The following P4HA1 variants were observed in gnomAD, a reference collection of about 807,000 sequenced individuals.
P4HA1 encodes the protein prolyl 4-hydroxylase subunit alpha-1.
In P4HA1, 24 loss-of-function variants were observed where a neutral mutation model predicts 72.8. The ratio of observed to expected loss-of-function variants is 0.33; its 90% CI spans 0.24 to 0.46. The LOEUF (loss-of-function observed/expected upper bound fraction) is 0.46. Among genes scored for constraint, P4HA1 ranks in the 20% least tolerant of loss-of-function variants. The probability of loss-of-function intolerance (pLI) is 1.00; values close to 1 mark genes in which losing one functional copy is unlikely to be tolerated. For missense variants in P4HA1, 446 were observed against 640.6 expected (o/e 0.70, Z 3.28); for synonymous variants, 201 against 218.8 (o/e 0.92, Z 0.72).
At chr10:73,089,368 T>C (rs1296082165) in intron 1 of P4HA1, among the ~76,000 whole-genome samples, 2 of 152,210 alleles carry the variant, frequency 1.3e-5, no homozygotes, top group African/African-American at 4.8e-5. Flanking sequence ...TGTCTGTGAA[T>C]AGAAACTGCT....
intron 1 of P4HA1, among the ~76,000 whole-genome samples, chr10:73,092,344 T>C (rs1842050199): frequency 6.7e-6 from 1 of 148,580 alleles, no homozygotes; most frequent in South Asian, 2.1e-4. Context: ...TTTTTTTCTT[T>C]TCTTTTTTTT....
At chr10:73,092,346 CT>C (rs1157972087) in intron 1 of P4HA1, among the ~76,000 whole-genome samples, 3,053 of 112,258 alleles carry the variant, frequency 0.027, 103 homozygotes, top group African/African-American at 0.084. Context: ...TTTTTCTTTT[CT>C]TTTTTTTTTT....
intron 10 of P4HA1, among the ~76,000 whole-genome samples, chr10:73,029,468 T>G (rs1387090206): frequency 2.0e-5 from 3 of 151,308 alleles, no homozygotes; most frequent in Non-Finnish European, 4.4e-5. Flanking sequence ...ATAAAGGCAT[T>G]GGTTTTTTTA....
At chr10:73,093,122 A>T (rs1208493979) in intron 1 of P4HA1, among the ~76,000 whole-genome samples, 1 of 101,408 alleles carries the variant, frequency 9.9e-6, no homozygotes, top group East Asian at 4.8e-4. Flanking sequence ...CCTATCTCTT[A>T]AAAAAAAAAA....
At chr10:73,066,826 C>G (rs137902070) in intron 5 of P4HA1, among the ~76,000 whole-genome samples, 2 of 152,276 alleles carry the variant, frequency 1.3e-5, no homozygotes, top group African/African-American at 4.8e-5. Context: ...CCCTCATTCT[C>G]TTTCCTGCCA....
intron 1 of P4HA1, among the ~76,000 whole-genome samples, chr10:73,093,254 A>G (rs1318751490): frequency 6.6e-6 from 1 of 152,216 alleles, no homozygotes; most frequent in African/African-American, 2.4e-5. Flanking sequence ...GGCCCAATAT[A>G]GAACTCATTC....
At position 73,062,154 on chromosome 10, in the gene P4HA1, TA is replaced by T. The variant is rs1473066145; in HGVS notation, c.463+6691del. Reference sequence around the variant, plus strand: ...TGACAGAAAGAAAGGGTGGAAGGAGTAGATAAACCAAGAATGACAAAATGTT... The same window carrying T: ...TGACAGAAAGAAAGGGTGGAAGGAGTGATAAACCAAGAATGACAAAATGTT... On this transcript the variant is annotated intron_variant, in intron 5 of 14. Coordinates refer to ENST00000394890, the MANE Select transcript of P4HA1 (RefSeq NM_001017962.3). Among the ~76,000 whole-genome samples the T allele has an allele frequency of 2.6e-5, 4 of 152,008 alleles. 1 individual carries two copies. In the East Asian group the frequency reaches 7.7e-4, roughly 29 times the overall value.
intron 1 of P4HA1, among the ~76,000 whole-genome samples, chr10:73,091,622 T>C (rs1293722140): frequency 1.3e-5 from 2 of 152,260 alleles, no homozygotes; most frequent in Non-Finnish European, 2.9e-5. Context: ...GGATATCTGA[T>C]GCTTCATACA....
At chr10:73,033,397 G>A (rs1219702122) in intron 9 of P4HA1, among the ~76,000 whole-genome samples, 6 of 151,814 alleles carry the variant, frequency 4.0e-5, no homozygotes, top group East Asian at 1.9e-4. Flanking sequence ...TAGAATCATC[G>A]TCCTTCAGCC....
In P4HA1 at chr10:73,069,806, G is replaced by GTTTTTT. The variant is rs201651550; in HGVS notation, c.326-824_326-823insAAAAAA. Among the ~76,000 whole-genome samples the GTTTTTT allele has an allele frequency of 4.6e-4, 68 of 147,420 alleles. 3 individuals are homozygous for GTTTTTT. Among genetic ancestry groups the GTTTTTT allele is most frequent in the African/African-American group, 1.6e-3 (61 of 38,778 alleles). The stretch of plus-strand genomic sequence containing the variant: ...TCTTCTCATTAACTTATAATCAACT[G>GTTTTTT]TTTTGTTTTTTTTTTTTTGAGACAG... On this transcript the variant is annotated intron_variant, in intron 4 of 14. Transcript: ENST00000394890.
intron 4 of P4HA1, among the ~76,000 whole-genome samples, chr10:73,070,874 G>T (rs1841542514): frequency 6.6e-6 from 1 of 151,866 alleles, no homozygotes; most frequent in Non-Finnish European, 1.5e-5. Context: ...TAAATATATC[G>T]ATTTCCTTTA....
intron 12 of P4HA1, among the ~76,000 whole-genome samples, chr10:73,012,790 AT>A (rs987588988): frequency 1.3e-5 from 2 of 151,852 alleles, no homozygotes; most frequent in African/African-American, 4.8e-5. Flanking sequence ...AAATATATAT[AT>A]TTTTTTTATT....
At chr10:73,062,307 C>T (rs888363847) in intron 5 of P4HA1, among the ~76,000 whole-genome samples, 1 of 151,894 alleles carries the variant, frequency 6.6e-6, no homozygotes, top group Admixed American at 6.6e-5. Context: ...AGGAGAAAGT[C>T]ATGTCCTACA....
intron 5 of P4HA1, 29 bp from the exon 6 acceptor site, chr10:73,053,619 G>A (rs1841069325): frequency 1.9e-6 from 3 of 1,599,162 alleles, no homozygotes; most frequent in African/African-American, 2.7e-5. Flanking sequence ...GAGAACTTTA[G>A]GAATCTTAAC....
At chr10:73,070,939 T>G (rs1371160060) in intron 4 of P4HA1, among the ~76,000 whole-genome samples, 1 of 152,076 alleles carries the variant, frequency 6.6e-6, no homozygotes, top group Admixed American at 6.6e-5. Flanking sequence ...CCTAGCGCTG[T>G]GGGAGGCTGA....
At chr10:73,086,799 G>A (rs1053691961) in intron 1 of P4HA1, among the ~76,000 whole-genome samples, 4 of 151,808 alleles carry the variant, frequency 2.6e-5, no homozygotes, top group East Asian at 3.9e-4. Context: ...CAGGCGTGGT[G>A]GCACATGCCT....
At chr10:73,008,980 TC>T in intron 14 of P4HA1, among the ~76,000 whole-genome samples, 1 of 152,300 alleles carries the variant, frequency 6.6e-6, no homozygotes, top group East Asian at 1.9e-4. Flanking sequence ...ATCTATTTGC[TC>T]TCCAACCCTT....
intron 1 of P4HA1, among the ~76,000 whole-genome samples, chr10:73,085,624 C>T (rs563838378): frequency 1.3e-5 from 2 of 152,228 alleles, no homozygotes; most frequent in South Asian, 4.2e-4. Context: ...CTCAGGTGAT[C>T]TGCCCACCTC....
intron 1 of P4HA1, among the ~76,000 whole-genome samples, chr10:73,083,585 T>C (rs568399385): frequency 5.3e-5 from 8 of 152,350 alleles, no homozygotes; most frequent in East Asian, 1.9e-4. Flanking sequence ...CACACACTTA[T>C]GTTTTGCTTA....
Sources: gnomAD v4.1 joint callset for allele counts (sites outside exome capture counted in the v4.1 genomes callset) on GRCh38, gnomAD v4.1.1 for gene constraint, MANE v1.5 for transcripts, NCBI Gene and HGNC (gene_info 2026-07-23, HGNC 2026-07-21) for gene names.